RGS7: variants seen among roughly 807,000 people sequenced by gnomAD.
RGS7 encodes the protein regulator of G protein signaling 7.
RGS7 carries 27 observed loss-of-function variants against 81.1 expected under a neutral mutation model. The observed-to-expected ratio is 0.33, with a 90% CI of 0.25 to 0.46. The LOEUF (loss-of-function observed/expected upper bound fraction) is 0.46. RGS7 is among the 20% of genes least tolerant of loss of function. The pLI, the probability that RGS7 is intolerant of heterozygous loss-of-function variation, is 1.00. For missense variants in RGS7, 396 were observed against 607.4 expected, an observed-to-expected ratio of 0.65 and a Z score of 3.66; for synonymous variants, 208 against 207.7, an observed-to-expected ratio of 1.00 and a Z score of -0.01.
intron 2 of RGS7, among the ~76,000 whole-genome samples, chr1:241,178,112 C>A (rs906438331): frequency 6.6e-6 from 1 of 151,974 alleles, no homozygotes; most frequent in Non-Finnish European, 1.5e-5. Context: ...TATAGTGAGA[C>A]CCTGTCTCTA....
chr1:240,861,100 G>A (rs1194172411), intron 9 of RGS7, among the ~76,000 whole-genome samples: 2 of 152,146 alleles, frequency 1.3e-5, no homozygotes, highest in African/African-American at 4.8e-5. Flanking sequence ...TCTGACAGAT[G>A]TTAAAACAAG....
At chr1:240,800,514 C>A in intron 18 of RGS7, 127 bp downstream of exon 18, 1 of 447,948 alleles carries the variant, frequency 2.2e-6, no homozygotes. Context: ...TTTCAACACA[C>A]ATAACTCCAC....
rs9659075 is a variant in RGS7, at chr1:241,221,073, A to G, written c.79-122311T>C. Among the ~76,000 whole-genome samples the G allele has an allele frequency of 2.1e-4, 28 of 130,628 alleles. 1 individual carries two copies. The highest frequency in any genetic ancestry group is 2.0e-3 in the East Asian group (8 of 3,914). The allele number at this position is 130,628 out of a possible 152,430, so 85.7% of individuals were successfully genotyped here. A position where few individuals can be genotyped will look rare whatever the true frequency, so the allele number is the denominator to read the frequency against. On this transcript the variant is annotated intron_variant, in intron 2 of 18. Transcript: ENST00000440928. ...AAAGAAAGAAAGAGAGAGAGAGAGA[A>G]AGGAAGGAAGGAAGGAAGAAAGGAA...
intron 3 of RGS7, among the ~76,000 whole-genome samples, chr1:241,005,996 C>T (rs1040651870): frequency 6.6e-6 from 1 of 152,134 alleles, no homozygotes; most frequent in Non-Finnish European, 1.5e-5. Flanking sequence ...ATAAAAAATG[C>T]TATGAACATT....
intron 2 of RGS7, among the ~76,000 whole-genome samples, chr1:241,110,012 A>G (rs552604755): frequency 1.3e-5 from 2 of 152,286 alleles, no homozygotes; most frequent in Non-Finnish European, 2.9e-5. Flanking sequence ...GTATTAAAAT[A>G]TTAAACGTTA....
chr1:241,118,805 C>T (rs1406582692), intron 2 of RGS7, among the ~76,000 whole-genome samples: 1 of 152,080 alleles, frequency 6.6e-6, no homozygotes, highest in Non-Finnish European at 1.5e-5. Context: ...AACCAAATAC[C>T]TTTTGTTCTC....
At chr1:240,978,566 GA>G (rs1464819755) in intron 4 of RGS7, among the ~76,000 whole-genome samples, 1 of 152,020 alleles carries the variant, frequency 6.6e-6, no homozygotes, top group Non-Finnish European at 1.5e-5. Flanking sequence ...TTATGATGTA[GA>G]AACTTAAAAA....
chr1:241,219,917 T>C (rs2147979211), intron 2 of RGS7, among the ~76,000 whole-genome samples: 1 of 152,320 alleles, frequency 6.6e-6, no homozygotes, highest in African/African-American at 2.4e-5. Context: ...AGGAAGCAGA[T>C]GGCTTGCTTT....
intron 11 of RGS7, 127 bp downstream of exon 11, chr1:240,816,190 A>G: frequency 1.4e-6 from 1 of 728,594 alleles, no homozygotes; most frequent in Non-Finnish European, 2.5e-6. Context: ...TTAACTGCAA[A>G]TCTTCCACAT....
intron 9 of RGS7, among the ~76,000 whole-genome samples, chr1:240,854,680 G>A (rs1327990297): frequency 6.6e-6 from 1 of 152,202 alleles, no homozygotes; most frequent in Non-Finnish European, 1.5e-5. Flanking sequence ...AGCAAAGCAG[G>A]CTAATCTTAC....
rs557721257 is a variant in RGS7 at position 240,945,398 on chromosome 1, T to G, written c.227-8692A>C. On this transcript the variant is annotated intron_variant, in intron 4 of 18. Transcript: ENST00000440928. Reference sequence around the variant, plus strand: ...AACTGGTTTTATGAGTGTGTTCTATTTACACATTTTCAAAAACTAGTTGTA... The same window carrying G: ...AACTGGTTTTATGAGTGTGTTCTATGTACACATTTTCAAAAACTAGTTGTA... 2.0e-5 allele frequency among the ~76,000 whole-genome samples: 3 copies of G among 152,340 alleles called. No individual in the cohort carries two copies. The South Asian group carries it at 6.2e-4, about 32-fold the overall frequency.
chr1:241,227,422 GA>G (rs1199803552), intron 2 of RGS7, among the ~76,000 whole-genome samples: 1 of 152,046 alleles, frequency 6.6e-6, no homozygotes, highest in Non-Finnish European at 1.5e-5. Context: ...TACGGAGCCT[GA>G]AAGCCCAGGA....
rs191891267 is a variant in RGS7 at position 240,886,228 on chromosome 1, A to G, written c.386-16109T>C. 3.0e-3 allele frequency among the ~76,000 whole-genome samples: 456 copies of G among 152,318 alleles called. 1 individual carries two copies. The highest frequency in any genetic ancestry group is 5.0e-3 in the Non-Finnish European group (339 of 68,022). ...TAATTTCTCTGTCTCTTATTTAAAC[A>G]TATCAACCAAAGTGACAGGTTCTGA... is the stretch of plus-strand genomic sequence containing the variant. On this transcript the variant is annotated intron_variant, in intron 6 of 18. Coordinates refer to ENST00000440928, the MANE Select transcript of RGS7 (RefSeq NM_001364886.1).
chr1:241,147,780 T>TATATA (rs2068424502), intron 2 of RGS7, among the ~76,000 whole-genome samples: 19 of 44,644 alleles, frequency 4.3e-4, no homozygotes, highest in South Asian at 1.2e-3. Context: ...AGATTAAGTT[T>TATATA]TATATATATA....
At chr1:241,073,665 C>T (rs935895874) in intron 3 of RGS7, among the ~76,000 whole-genome samples, 5 of 152,138 alleles carry the variant, frequency 3.3e-5, no homozygotes, top group Admixed American at 6.5e-5. Flanking sequence ...ACCACCCAGG[C>T]TTATGTCCTA....
chr1:240,810,976 G>A (rs1689748157), intron 14 of RGS7, among the ~76,000 whole-genome samples: 1 of 152,162 alleles, frequency 6.6e-6, no homozygotes, highest in Non-Finnish European at 1.5e-5. Flanking sequence ...TGGTCATTTT[G>A]CTTCATCCAT....
At chr1:241,202,520 G>C (rs2073596367) in intron 2 of RGS7, among the ~76,000 whole-genome samples, 1 of 152,150 alleles carries the variant, frequency 6.6e-6, no homozygotes, top group Non-Finnish European at 1.5e-5. Flanking sequence ...TTTATGCTTA[G>C]ATTCAACAAA....
Position 241,188,901 on chromosome 1 carries a change from A to T in RGS7, c.79-90139T>A, listed in dbSNP as rs1271622680. Among the ~76,000 whole-genome samples, 3 of 152,346 alleles carry T rather than the reference A, an allele frequency of 2.0e-5. No homozygotes were observed. In the East Asian group the frequency reaches 5.8e-4, roughly 29 times the overall value. Reference sequence around the variant, plus strand: ...CTTTGAAGGCTTCGAAATTCAGCAGAACTTCAAACTATCAACCAAACAATA... The same window carrying T: ...CTTTGAAGGCTTCGAAATTCAGCAGTACTTCAAACTATCAACCAAACAATA... On this transcript the variant is annotated intron_variant, in intron 2 of 18. Transcript: ENST00000440928.
intron 2 of RGS7, among the ~76,000 whole-genome samples, chr1:241,311,809 GAT>G (rs1419807417): frequency 1.3e-5 from 2 of 152,176 alleles, no homozygotes; most frequent in Non-Finnish European, 2.9e-5. Flanking sequence ...ACTGTATCAT[GAT>G]ATGTGTCCCC....
Sources: allele counts gnomAD v4.1 joint callset (sites outside exome capture counted in the v4.1 genomes callset), GRCh38; gene constraint gnomAD v4.1.1; transcripts MANE v1.5; gene names NCBI Gene and HGNC (gene_info 2026-07-23, HGNC 2026-07-21).